Variants in NRXN1 observed in about 807,000 individuals in gnomAD.
NRXN1 encodes the protein neurexin 1.
NRXN1 carries 39 observed loss-of-function variants against 150.9 expected under a neutral mutation model. The ratio of observed to expected loss-of-function variants is 0.26; its 90% CI spans 0.20 to 0.34. The LOEUF is 0.34. Among genes scored for constraint, NRXN1 ranks in the 10% least tolerant of loss-of-function variants. NRXN1 has a pLI of 1.00. For synonymous variants in NRXN1, 924 were observed against 757.0 expected (o/e 1.22, Z -3.62); for missense variants, 1,815 against 1,949.9 (o/e 0.93, Z 1.30).
chr2:50,059,166 G>A (rs1395843842), intron 19 of NRXN1, among the ~76,000 whole-genome samples: 1 of 152,110 alleles, frequency 6.6e-6, no homozygotes, highest in African/African-American at 2.4e-5. Flanking sequence ...AAAAAGTCTA[G>A]GCTGAGGTGG....
At chr2:50,777,004 G>A (rs755302282) in intron 5 of NRXN1, among the ~76,000 whole-genome samples, 77 of 152,240 alleles carry the variant, frequency 5.1e-4, no homozygotes, top group Non-Finnish European at 9.4e-4. Context: ...GTATCTGCCT[G>A]AGAAAACCCT....
chr2:50,551,241 T>C (rs1667492033), intron 9 of NRXN1: 1 of 152,324 alleles, frequency 6.6e-6, no homozygotes, highest in African/African-American at 2.4e-5. Flanking sequence ...GTCTCCAATA[T>C]ATCTGGGAAT....
chr2:50,552,917 C>G lies in NRXN1; in HGVS notation c.1429G>C (p.Ala477Pro). Residue 477 changes from alanine to proline, a missense_variant, in exon 9 of 23, where the codon GCA becomes CCA. Coordinates refer to ENST00000401669, the MANE Select transcript of NRXN1 (RefSeq NM_001330078.2). ...GVVAFKCENVATLDPITFETP... is the reference protein window; with the variant it reads ...GVVAFKCENVPTLDPITFETP... ...TCAAAGGTGATTGGGTCTAAAGTTG[C>G]AACATTCTCACATTTAAATGCCACC... 4 of 1,613,878 alleles carry G rather than the reference C, an allele frequency of 2.5e-6. No homozygotes were observed. The highest frequency in any genetic ancestry group is 3.4e-6 in the Non-Finnish European group (4 of 1,179,812).
chr2:50,415,539 T>C (rs746225810), intron 17 of NRXN1, among the ~76,000 whole-genome samples: 7 of 152,180 alleles, frequency 4.6e-5, no homozygotes, highest in Admixed American at 6.5e-5. Context: ...TGATGAAGCA[T>C]GGATAATGAT....
At chr2:51,009,409 G>C (rs1667510181) in intron 2 of NRXN1, 2 of 151,916 alleles carry the variant, frequency 1.3e-5, no homozygotes, top group African/African-American at 4.8e-5. Flanking sequence ...AATGAATATA[G>C]ACGGGCTATT....
intron 5 of NRXN1, among the ~76,000 whole-genome samples, chr2:50,687,451 T>C (rs993052011): frequency 1.3e-5 from 2 of 152,202 alleles, no homozygotes; most frequent in Non-Finnish European, 2.9e-5. Context: ...ATGCATGCTT[T>C]ATCATTTTTT....
intron 2 of NRXN1, among the ~76,000 whole-genome samples, chr2:50,948,957 A>G (rs1179949083): frequency 1.3e-5 from 2 of 152,056 alleles, no homozygotes; most frequent in Non-Finnish European, 2.9e-5. Context: ...GATCTGGTGG[A>G]ATACACCAAA....
At chr2:50,059,190 T>A (rs1451748535) in intron 19 of NRXN1, among the ~76,000 whole-genome samples, 1 of 152,062 alleles carries the variant, frequency 6.6e-6, no homozygotes, top group Non-Finnish European at 1.5e-5. Flanking sequence ...CAGATGGAGA[T>A]GAGGAACTTA....
In NRXN1 at chr2:50,851,051, G is replaced by T. The variant is rs531675475; in HGVS notation, c.832+70818C>A. Among the ~76,000 whole-genome samples the T allele has an allele frequency of 3.3e-5, 5 of 152,194 alleles. No individual in the cohort carries two copies. In the East Asian group the frequency reaches 9.7e-4, roughly 29 times the overall value. ...CCTAGGGTTCAAAATATAAAGGAAA[G>T]AATAAAGGAACCACCATAATAGATT... On this transcript the variant is annotated intron_variant, in intron 5 of 22. Coordinates refer to ENST00000401669, the MANE Select transcript of NRXN1 (RefSeq NM_001330078.2).
At chr2:50,445,849 C>A (rs758975252) in intron 17 of NRXN1, among the ~76,000 whole-genome samples, 49 of 152,082 alleles carry the variant, frequency 3.2e-4, no homozygotes, top group Non-Finnish European at 6.5e-4. Context: ...CAGGAGAAGG[C>A]CCCTCAGGAC....
At chr2:50,127,110 A>G (rs1464928465) in intron 18 of NRXN1, among the ~76,000 whole-genome samples, 4 of 152,174 alleles carry the variant, frequency 2.6e-5, no homozygotes, top group Non-Finnish European at 2.9e-5. Context: ...TTTGCTTTGC[A>G]GTTCCCCAGT....
intron 17 of NRXN1, among the ~76,000 whole-genome samples, chr2:50,343,788 T>A (rs1389170310): frequency 6.6e-6 from 1 of 152,228 alleles, no homozygotes; most frequent in Non-Finnish European, 1.5e-5. Flanking sequence ...ATTTTATTCC[T>A]TAAACTATAC....
chr2:50,777,868 T>C (rs1353085958), intron 5 of NRXN1, among the ~76,000 whole-genome samples: 1 of 152,194 alleles, frequency 6.6e-6, no homozygotes, highest in African/African-American at 2.4e-5. Context: ...GTAATAATAC[T>C]GGCTTCACTG....
intron 5 of NRXN1, among the ~76,000 whole-genome samples, chr2:50,859,838 T>TGTGTGTG (rs1675856963): frequency 2.0e-5 from 3 of 147,572 alleles, no homozygotes; most frequent in African/African-American, 7.5e-5. Flanking sequence ...ACAATTATGT[T>TGTGTGTG]TGTGTGTGTG....
At chr2:50,298,210 A>G (rs1341156863) in intron 17 of NRXN1, among the ~76,000 whole-genome samples, 1 of 152,174 alleles carries the variant, frequency 6.6e-6, no homozygotes, top group South Asian at 2.1e-4. Context: ...CAGGGTCCCA[A>G]TATCTTTACC....
At chr2:50,078,385 AT>A (rs369235285) in intron 19 of NRXN1, among the ~76,000 whole-genome samples, 3 of 152,014 alleles carry the variant, frequency 2.0e-5, no homozygotes, top group African/African-American at 2.4e-5. Context: ...AAAAAAAAAA[AT>A]CTTATAGAAT....
chr2:50,373,987 C>A (rs1357605999), intron 17 of NRXN1, among the ~76,000 whole-genome samples: 1 of 152,006 alleles, frequency 6.6e-6, no homozygotes, highest in Non-Finnish European at 1.5e-5. Flanking sequence ...TAGGGTTACA[C>A]ATAAAATGGT....
At chr2:50,990,640 A>C (rs761860837) in intron 2 of NRXN1, among the ~76,000 whole-genome samples, 1 of 151,898 alleles carries the variant, frequency 6.6e-6, no homozygotes, top group Non-Finnish European at 1.5e-5. Context: ...TCCATTCTTA[A>C]TACTTTTCCA....
intron 5 of NRXN1, among the ~76,000 whole-genome samples, chr2:50,828,843 C>T (rs1559322059): frequency 6.6e-6 from 1 of 152,224 alleles, no homozygotes; most frequent in South Asian, 2.1e-4. Context: ...CAGGCAGAGG[C>T]TGCACTCTCG....
Sources: gnomAD v4.1 joint callset for allele counts (sites outside exome capture counted in the v4.1 genomes callset) on GRCh38, gnomAD v4.1.1 for gene constraint, MANE v1.5 for transcripts, NCBI Gene and HGNC (gene_info 2026-07-23, HGNC 2026-07-21) for gene names.